Variants in MED12L observed in about 807,000 individuals in gnomAD.
The protein encoded by MED12L is mediator of RNA polymerase II transcription subunit 12-like protein.
MED12L carries 60 observed loss-of-function variants against 281.3 expected under a neutral mutation model. The observed-to-expected ratio is 0.21, with a 90% confidence interval of 0.17 to 0.26. MED12L has a LOEUF of 0.26. Among genes scored for constraint, MED12L ranks in the 10% least tolerant of loss-of-function variants. MED12L has a pLI of 1.00. For missense variants in MED12L, 2,146 were observed against 2,680.9 expected, an observed-to-expected ratio of 0.80 and a Z score of 4.41; for synonymous variants, 974 against 987.2, an observed-to-expected ratio of 0.99 and a Z score of 0.25.
intron 16 of MED12L, among the ~76,000 whole-genome samples, chr3:151,249,913 G>A (rs1217242371): frequency 6.6e-6 from 1 of 152,142 alleles, no homozygotes; most frequent in Non-Finnish European, 1.5e-5. Context: ...AGGGCCTATA[G>A]CATCAACTTT....
chr3:151,211,481 C>T (rs1039834093), intron 16 of MED12L, among the ~76,000 whole-genome samples: 17 of 146,530 alleles, frequency 1.2e-4, no homozygotes, highest in Admixed American at 2.1e-4. Context: ...TAGCAATTTT[C>T]GTTTTTTATT....
chr3:151,292,245 T>C (rs983519767), intron 16 of MED12L, among the ~76,000 whole-genome samples: 5 of 151,590 alleles, frequency 3.3e-5, no homozygotes, highest in East Asian at 3.9e-4. Flanking sequence ...ATGAAGAGGA[T>C]AGGACATGTA....
intron 43 of MED12L, among the ~76,000 whole-genome samples, chr3:151,420,863 G>C (rs546880506): frequency 6.6e-6 from 1 of 152,322 alleles, no homozygotes; most frequent in East Asian, 1.9e-4. Flanking sequence ...TCTTGGCAGA[G>C]GCGTTGTGTT....
At chr3:151,134,507 G>A (rs984266946) in intron 5 of MED12L, among the ~76,000 whole-genome samples, 59 of 152,214 alleles carry the variant, frequency 3.9e-4, no homozygotes, top group African/African-American at 1.2e-3. Flanking sequence ...GTGTGACAGT[G>A]TAATCACTGC....
chr3:151,302,187 G>C (rs375685170), intron 16 of MED12L, among the ~76,000 whole-genome samples: 1 of 152,212 alleles, frequency 6.6e-6, no homozygotes, highest in Non-Finnish European at 1.5e-5. Flanking sequence ...CAAATCTGTA[G>C]AGGCAGAAAG....
Position 151,411,443 on chromosome 3 carries a change from C to A in MED12L, c.6076C>A (p.Gln2026Lys). The A allele has an allele frequency of 6.2e-7, 1 of 1,614,218 alleles. No individual in the cohort carries two copies. Among genetic ancestry groups the A allele is most frequent in the Non-Finnish European group, 8.5e-7 (1 of 1,180,034 alleles). The part of the protein sequence containing the change: ...LMERLRQIQQ[Q>K]PSGYVQQQAS... The stretch of plus-strand genomic sequence containing the variant: ...GGAAAGACTCAGACAGATTCAGCAG[C>A]AGCCGAGTGGCTATGTTCAGCAGCA... The change falls in exon 41 of 45, where the codon CAG becomes AAG. Residue 2026 changes from glutamine (Q) to lysine (K), a missense_variant. Around this residue, in one of 9 missense-constraint regions of MED12L, gnomAD observed 496 missense variants for 512.0 expected, o/e 0.97. Transcript: ENST00000687756.
At chr3:151,260,986 C>G (rs1314459223) in intron 16 of MED12L, among the ~76,000 whole-genome samples, 2 of 151,988 alleles carry the variant, frequency 1.3e-5, no homozygotes, top group Non-Finnish European at 1.5e-5. Flanking sequence ...TGTATGGTGT[C>G]TTTGGTTCTG....
chr3:151,154,930 C>T (rs973155700), intron 5 of MED12L, among the ~76,000 whole-genome samples: 13 of 152,116 alleles, frequency 8.5e-5, no homozygotes, highest in Admixed American at 6.5e-4. Flanking sequence ...TTCGTCTTTT[C>T]GCATTGGCTT....
At chr3:151,140,755 T>C (rs1330057228) in intron 5 of MED12L, among the ~76,000 whole-genome samples, 1 of 151,956 alleles carries the variant, frequency 6.6e-6, no homozygotes, top group Non-Finnish European at 1.5e-5. Flanking sequence ...TCTTGGCTCA[T>C]TGCAACCTCT....
intron 2 of MED12L, among the ~76,000 whole-genome samples, chr3:151,095,790 C>T (rs778653878): frequency 3.3e-5 from 5 of 152,022 alleles, no homozygotes; most frequent in African/African-American, 4.8e-5. Flanking sequence ...CCTGTAATCC[C>T]AGCTACTCTG....
At chr3:151,233,829 C>T (rs1163236691) in intron 16 of MED12L, among the ~76,000 whole-genome samples, 7 of 152,238 alleles carry the variant, frequency 4.6e-5, no homozygotes, top group Non-Finnish European at 1.0e-4. Flanking sequence ...ATCCGCCTTT[C>T]TCCGCCTTGT....
chr3:151,414,565 T>G (rs1254749892), intron 42 of MED12L, among the ~76,000 whole-genome samples: 1 of 152,154 alleles, frequency 6.6e-6, no homozygotes, highest in Non-Finnish European at 1.5e-5. Context: ...CTGAATTCAG[T>G]GTGATCCACA....
chr3:151,358,757 T>TA (rs1403322045), intron 20 of MED12L, among the ~76,000 whole-genome samples: 2 of 152,294 alleles, frequency 1.3e-5, no homozygotes, highest in South Asian at 2.1e-4. Flanking sequence ...TCTTCGTACT[T>TA]ATGTGAACAG....
intron 16 of MED12L, chr3:151,328,726 C>CT (rs1489408092): frequency 6.2e-7 from 1 of 1,613,962 alleles, no homozygotes; most frequent in East Asian, 2.2e-5. Context: ...AAGCTCTGAG[C>CT]TGCCAGGGTG....
At chr3:151,428,526 C>T (rs1719112959) in intron 43 of MED12L, among the ~76,000 whole-genome samples, 1 of 152,082 alleles carries the variant, frequency 6.6e-6, no homozygotes, top group African/African-American at 2.4e-5. Context: ...TTAGTCATTC[C>T]ATCAGTTGCT....
chr3:151,252,127 T>C (rs1736975079), intron 16 of MED12L, among the ~76,000 whole-genome samples: 1 of 152,144 alleles, frequency 6.6e-6, no homozygotes. Flanking sequence ...TCCCTCCCTA[T>C]GCAGGATAAA....
At chr3:151,420,329 A>G (rs1190047217) in intron 43 of MED12L, among the ~76,000 whole-genome samples, 1 of 152,200 alleles carries the variant, frequency 6.6e-6, no homozygotes, top group Admixed American at 6.5e-5. Flanking sequence ...AGGAGCCCAA[A>G]GTGTCCAGGT....
intron 16 of MED12L, chr3:151,213,294 A>G (rs1297466712): frequency 1.9e-6 from 3 of 1,588,994 alleles, no homozygotes; most frequent in Non-Finnish European, 2.6e-6. Flanking sequence ...GGAAGAGGGT[A>G]GGAACTCACA....
intron 4 of MED12L, among the ~76,000 whole-genome samples, chr3:151,126,921 T>A (rs1273591311): frequency 2.6e-5 from 4 of 152,188 alleles, no homozygotes; most frequent in Non-Finnish European, 5.9e-5. Context: ...CAGGTTTCAT[T>A]CAGGAGTGGA....
Sources: allele counts gnomAD v4.1 joint callset (sites outside exome capture counted in the v4.1 genomes callset), GRCh38; gene constraint gnomAD v4.1.1; regional missense constraint gnomAD v4.1.1; transcripts MANE v1.5; gene names NCBI Gene and HGNC (gene_info 2026-07-23, HGNC 2026-07-21).